EPHA6: variants seen among roughly 807,000 people sequenced by gnomAD.
EPHA6 encodes ephrin type-A receptor 6.
In EPHA6, 50 loss-of-function variants were observed where a neutral mutation model predicts 112.0. The observed-to-expected ratio is 0.45, with a 90% confidence interval of 0.36 to 0.56. EPHA6 has a LOEUF of 0.56. Among genes scored for constraint, EPHA6 ranks in the 20% least tolerant of loss-of-function variants. The pLI, the probability that EPHA6 is intolerant of heterozygous loss-of-function variation, is 0.00. For missense variants in EPHA6, 1,280 were observed against 1,417.4 expected (o/e 0.90, Z 1.56); for synonymous variants, 529 against 490.7 (o/e 1.08, Z -1.03).
At chr3:97,667,196 T>C (rs1335031696) in intron 14 of EPHA6, among the ~76,000 whole-genome samples, 1 of 152,220 alleles carries the variant, frequency 6.6e-6, no homozygotes, top group Non-Finnish European at 1.5e-5. Context: ...AACCATCATA[T>C]CTCAAGATGA....
chr3:97,150,873 G>A (rs1214071529), intron 3 of EPHA6, among the ~76,000 whole-genome samples: 1 of 151,778 alleles, frequency 6.6e-6, no homozygotes, highest in Non-Finnish European at 1.5e-5. Context: ...GTTCACTTCT[G>A]AGCCAAATCT....
intron 3 of EPHA6, among the ~76,000 whole-genome samples, chr3:97,143,319 G>T (rs1300769508): frequency 1.3e-5 from 2 of 151,556 alleles, no homozygotes; most frequent in African/African-American, 4.8e-5. Flanking sequence ...TACACCCCCT[G>T]AATCTATAAA....
rs1350250827 is a variant in EPHA6 at position 96,823,135 on chromosome 3, A to G, written c.385+8127A>G. Among the ~76,000 whole-genome samples the G allele has an allele frequency of 4.0e-5, 6 of 151,758 alleles. No individual in the cohort carries two copies. In the East Asian group the frequency reaches 5.8e-4, roughly 15 times the overall value. ...TTTTTAAAGAGAGGCATAGTGTTCC[A>G]TATGTTGATATAAAATGACACTAAT... is the stretch of plus-strand genomic sequence containing the variant. On this transcript the variant is annotated intron_variant, in intron 1 of 17. Coordinates refer to ENST00000389672, the MANE Select transcript of EPHA6 (RefSeq NM_001080448.3).
intron 14 of EPHA6, among the ~76,000 whole-genome samples, chr3:97,715,481 T>C (rs946385148): frequency 5.3e-5 from 8 of 152,336 alleles, no homozygotes; most frequent in African/African-American, 1.7e-4. Flanking sequence ...AGAGATAGAT[T>C]GAGAACAGAG....
At chr3:97,707,838 G>A (rs1380001393) in intron 14 of EPHA6, among the ~76,000 whole-genome samples, 1 of 152,118 alleles carries the variant, frequency 6.6e-6, no homozygotes, top group African/African-American at 2.4e-5. Flanking sequence ...GTGTTTGGCA[G>A]TTCCTCTCTC....
At chr3:97,629,726 T>G (rs2093887709) in intron 13 of EPHA6, among the ~76,000 whole-genome samples, 1 of 152,094 alleles carries the variant, frequency 6.6e-6, no homozygotes, top group Non-Finnish European at 1.5e-5. Flanking sequence ...AACCCTAAAT[T>G]TATAATTTAA....
At chr3:97,713,758 C>T (rs930127357) in intron 14 of EPHA6, among the ~76,000 whole-genome samples, 1 of 152,148 alleles carries the variant, frequency 6.6e-6, no homozygotes. Context: ...TAGAAACACA[C>T]AGGAAAAGCA....
chr3:97,454,155 C>G (rs952845136), intron 7 of EPHA6, among the ~76,000 whole-genome samples: 10 of 151,764 alleles, frequency 6.6e-5, no homozygotes, highest in African/African-American at 2.4e-4. Context: ...AATGATCACT[C>G]TAGCTTCCAT....
intron 1 of EPHA6, among the ~76,000 whole-genome samples, chr3:96,863,165 G>A (rs1022336356): frequency 6.6e-6 from 1 of 151,752 alleles, no homozygotes; most frequent in Admixed American, 6.6e-5. Flanking sequence ...ATAAATAATA[G>A]GTGTTAATCT....
At chr3:97,470,460 C>A (rs1157656507) in intron 7 of EPHA6, among the ~76,000 whole-genome samples, 1 of 151,558 alleles carries the variant, frequency 6.6e-6, no homozygotes, top group Non-Finnish European at 1.5e-5. Flanking sequence ...ATCTATTCCA[C>A]AGAAAATGAC....
intron 3 of EPHA6, among the ~76,000 whole-genome samples, chr3:97,196,512 C>G (rs1178597809): frequency 6.6e-6 from 1 of 151,972 alleles, no homozygotes. Context: ...TTTGTGAGGT[C>G]ATGTTTTCCC....
chr3:96,921,315 A>T (rs1038772166), intron 2 of EPHA6, among the ~76,000 whole-genome samples: 2 of 152,104 alleles, frequency 1.3e-5, no homozygotes, highest in African/African-American at 4.8e-5. Context: ...TTTAATTATG[A>T]TATTAATATT....
At chr3:97,586,841 C>G (rs565351380) in intron 11 of EPHA6, among the ~76,000 whole-genome samples, 1 of 152,296 alleles carries the variant, frequency 6.6e-6, no homozygotes, top group South Asian at 2.1e-4. Context: ...TTTATCTTTG[C>G]GCTTTGAAGT....
chr3:97,256,202 T>C (rs2079307579), intron 5 of EPHA6, among the ~76,000 whole-genome samples: 1 of 152,116 alleles, frequency 6.6e-6, no homozygotes, highest in African/African-American at 2.4e-5. Flanking sequence ...CTAATTTTAA[T>C]TTTATTCTAT....
At chr3:97,168,571 CTCTG>C (rs1261983357) in intron 3 of EPHA6, among the ~76,000 whole-genome samples, 6 of 146,242 alleles carry the variant, frequency 4.1e-5, no homozygotes, top group African/African-American at 1.3e-4. Context: ...CTCTCTTTCT[CTCTG>C]TCTCTCTCTC....
chr3:97,544,144 G>A (rs575008452), intron 11 of EPHA6, among the ~76,000 whole-genome samples: 1 of 152,288 alleles, frequency 6.6e-6, no homozygotes, highest in African/African-American at 2.4e-5. Context: ...TAGGAGTGGT[G>A]AGAGAAGGCA....
chr3:97,034,132 A>G (rs2044989070), intron 3 of EPHA6, among the ~76,000 whole-genome samples: 1 of 151,962 alleles, frequency 6.6e-6, no homozygotes, highest in Non-Finnish European at 1.5e-5. Context: ...CTTTAGGGAA[A>G]AAGAAACTTT....
chr3:97,662,130 A>C (rs1168018577), intron 14 of EPHA6, among the ~76,000 whole-genome samples: 1 of 152,098 alleles, frequency 6.6e-6, no homozygotes, highest in African/African-American at 2.4e-5. Context: ...CTAACAGCTG[A>C]GGGAAAAAAG....
chr3:96,940,120 C>G (rs915855954), intron 2 of EPHA6, among the ~76,000 whole-genome samples: 8 of 152,096 alleles, frequency 5.3e-5, no homozygotes, highest in African/African-American at 1.7e-4. Context: ...TCTATTAGGT[C>G]CACTTGGTGC....
Sources: allele counts gnomAD v4.1 joint callset (sites outside exome capture counted in the v4.1 genomes callset), GRCh38; gene constraint gnomAD v4.1.1; transcripts MANE v1.5; gene names NCBI Gene and HGNC (gene_info 2026-07-23, HGNC 2026-07-21).